Variants in DHX35 observed in about 807,000 individuals in gnomAD.
The protein encoded by DHX35 is probable ATP-dependent RNA helicase DHX35.
A neutral mutation model predicts 99.6 loss-of-function variants in DHX35; 84 were observed. The ratio of observed to expected loss-of-function variants is 0.84; its 90% CI spans 0.71 to 1.01. The LOEUF is 1.01. Among genes scored for constraint, DHX35 ranks in the 50% least tolerant of loss-of-function variants. DHX35 has a pLI of 0.00. For synonymous variants in DHX35, 331 were observed against 316.2 expected, an observed-to-expected ratio of 1.05 and a Z score of -0.50; for missense variants, 852 against 888.5, an observed-to-expected ratio of 0.96 and a Z score of 0.52.
intron 8 of DHX35, 97 bp from the exon 9 acceptor site, chr20:39,001,633 C>A: frequency 1.1e-6 from 1 of 874,664 alleles, no homozygotes. Context: ...TTGCTACTCA[C>A]CTGTCTTTGG....
At position 39,021,969 on chromosome 20, in the gene DHX35, A is replaced by G. The variant is rs1190544721; in HGVS notation, c.1593+34A>G. ...GCTCTGTCCCCAGGCTGTCTGTACC[A>G]GTCTCTTTTGCTTTGAGCTTTCGTT... On this transcript the variant is annotated intron_variant, in intron 16 of 21. Coordinates refer to ENST00000252011, the MANE Select transcript of DHX35 (RefSeq NM_021931.4). 7 of 1,607,122 alleles carry G rather than the reference A, an allele frequency of 4.4e-6. No homozygotes were observed. In the African/African-American group the frequency reaches 8.0e-5, roughly 18 times the overall value.
intron 17 of DHX35, 137 bp from the exon 18 acceptor site, chr20:39,025,093 A>C (rs562611704): frequency 9.6e-7 from 1 of 1,041,688 alleles, no homozygotes; most frequent in Non-Finnish European, 1.3e-6. Context: ...GATGGGGCAA[A>C]AAAGGGCCAG....
At chr20:39,026,468 C>G (rs1040545084) in intron 18 of DHX35, among the ~76,000 whole-genome samples, 1 of 152,124 alleles carries the variant, frequency 6.6e-6, no homozygotes. Flanking sequence ...TATGGATAGA[C>G]AAAGTACTAA....
intron 14 of DHX35, among the ~76,000 whole-genome samples, chr20:39,015,142 A>G (rs2086764223): frequency 6.6e-6 from 1 of 152,208 alleles, no homozygotes; most frequent in East Asian, 1.9e-4. Flanking sequence ...CCAGTATATA[A>G]AACATGCCAG....
intron 20 of DHX35, 32 bp downstream of exon 20, chr20:39,030,807 G>C (rs566173636): frequency 6.2e-7 from 1 of 1,604,202 alleles, no homozygotes; most frequent in Non-Finnish European, 8.5e-7. Context: ...GCCTGTGCCT[G>C]CTTTGAACAG....
At chr20:38,968,798 C>T (rs986272378) in intron 1 of DHX35, among the ~76,000 whole-genome samples, 2 of 152,194 alleles carry the variant, frequency 1.3e-5, no homozygotes, top group South Asian at 2.1e-4. Context: ...GCAATCCGCC[C>T]GCCTCGGCCT....
chr20:39,010,547 T>C (rs2086686848), intron 13 of DHX35, 143 bp downstream of exon 13: 3 of 1,180,804 alleles, frequency 2.5e-6, no homozygotes, highest in Admixed American at 5.6e-5. Flanking sequence ...AACCAGGCCC[T>C]GTGCAGGACG....
chr20:39,023,158 A>G (rs1235184893), intron 16 of DHX35, among the ~76,000 whole-genome samples: 1 of 152,232 alleles, frequency 6.6e-6, no homozygotes, highest in Non-Finnish European at 1.5e-5. Flanking sequence ...CTTGTAATAA[A>G]TTATCTTAAT....
At chr20:39,003,642 G>T (rs922730902) in intron 10 of DHX35, 107 bp from the exon 11 acceptor site, 18 of 1,347,752 alleles carry the variant, frequency 1.3e-5, no homozygotes, top group Non-Finnish European at 1.8e-5. Context: ...TCTTGAATCT[G>T]ACCAAAATTA....
intron 18 of DHX35, among the ~76,000 whole-genome samples, chr20:39,027,459 A>G (rs2086975634): frequency 6.6e-6 from 1 of 152,232 alleles, no homozygotes; most frequent in South Asian, 2.1e-4. Flanking sequence ...TAGAACAAAA[A>G]ATTCACAAAA....
intron 2 of DHX35, among the ~76,000 whole-genome samples, chr20:38,971,932 G>C (rs1301758344): frequency 6.8e-6 from 1 of 147,362 alleles, no homozygotes; most frequent in African/African-American, 2.5e-5. Flanking sequence ...GAGTATGCTT[G>C]TATTTATGTC....
chr20:38,963,627 G>A (rs1029077314), intron 1 of DHX35, among the ~76,000 whole-genome samples: 2 of 152,164 alleles, frequency 1.3e-5, no homozygotes, highest in African/African-American at 4.8e-5. Flanking sequence ...GTATAATAAA[G>A]AGCTGAATTA....
At chr20:39,013,555 GA>G (rs1248214182) in intron 13 of DHX35, among the ~76,000 whole-genome samples, 1 of 152,228 alleles carries the variant, frequency 6.6e-6, no homozygotes, top group Non-Finnish European at 1.5e-5. Context: ...TTTTTGTGGA[GA>G]GGGGGATAAG....
chr20:38,976,251 C>T (rs924619808), intron 3 of DHX35, among the ~76,000 whole-genome samples: 1 of 152,094 alleles, frequency 6.6e-6, no homozygotes, highest in African/African-American at 2.4e-5. Flanking sequence ...GCCCTGTCTT[C>T]CTGGTACCCA....
In DHX35 at chr20:38,965,919, A is replaced by G. The variant is rs1186548931; in HGVS notation, c.41-3162A>G. Among the ~76,000 whole-genome samples, 6 of 152,216 alleles carry G rather than the reference A, an allele frequency of 3.9e-5. No homozygotes were observed. In the South Asian group the frequency reaches 8.3e-4, roughly 21 times the overall value. On this transcript the variant is annotated intron_variant, in intron 1 of 21. Transcript: ENST00000252011. Reference sequence around the variant, plus strand: ...CCATGTGCATGACGAAAACTTTACAATAGGTTTTAAGCTTTTTTTGACTTG... The same window carrying G: ...CCATGTGCATGACGAAAACTTTACAGTAGGTTTTAAGCTTTTTTTGACTTG...
At chr20:38,989,913 T>G (rs2086311870) in intron 5 of DHX35, among the ~76,000 whole-genome samples, 1 of 152,156 alleles carries the variant, frequency 6.6e-6, no homozygotes, top group South Asian at 2.1e-4. Context: ...TCTGATGAAA[T>G]GAAAATTGAT....
At chr20:39,036,993 G>C (rs1023091766) in intron 21 of DHX35, among the ~76,000 whole-genome samples, 3 of 152,168 alleles carry the variant, frequency 2.0e-5, no homozygotes, top group Admixed American at 6.5e-5. Flanking sequence ...TCACGGCTCT[G>C]TTCCTGGCAC....
chr20:38,965,451 GA>G (rs1312968920), intron 1 of DHX35, among the ~76,000 whole-genome samples: 3 of 152,222 alleles, frequency 2.0e-5, no homozygotes, highest in Non-Finnish European at 2.9e-5. Context: ...CTAAGTGAGT[GA>G]AGTTGCTTAC....
intron 3 of DHX35, among the ~76,000 whole-genome samples, chr20:38,980,753 C>A (rs4812343): frequency 0.38 from 57,380 of 151,934 alleles, 11,417 homozygotes; most frequent in Middle Eastern, 0.52. Context: ...CGAAAGCAGG[C>A]CATTAACATT....
Sources: allele counts gnomAD v4.1 joint callset (sites outside exome capture counted in the v4.1 genomes callset), GRCh38; gene constraint gnomAD v4.1.1; transcripts MANE v1.5; gene names NCBI Gene and HGNC (gene_info 2026-07-23, HGNC 2026-07-21).